Variants in TRPC5 observed in about 807,000 individuals in gnomAD.
TRPC5 encodes transient receptor potential cation channel subfamily C member 5, also known as short transient receptor potential channel 5.
A neutral mutation model predicts 56.5 loss-of-function variants in TRPC5; 9 were observed. The observed-to-expected ratio is 0.16, with a 90% CI of 0.10 to 0.28. The LOEUF is 0.28. Ranked by LOEUF, TRPC5 falls within the 10% of genes least tolerant of loss-of-function variation. The pLI is 1.00. For synonymous variants in TRPC5, 282 were observed against 278.5 expected (o/e 1.01, Z -0.13); for missense variants, 469 against 748.9 (o/e 0.63, Z 4.36).
chrX:111,870,284 A>G (rs1334553930), intron 3 of TRPC5, among the ~76,000 whole-genome samples: 1 of 111,854 alleles, frequency 8.9e-6, no homozygotes, highest in Non-Finnish European at 1.9e-5. Flanking sequence ...TGTCTATGCC[A>G]TATATTAGAT....
chrX:111,849,319 G>C (rs1923017896), intron 5 of TRPC5, among the ~76,000 whole-genome samples: 1 of 112,527 alleles, frequency 8.9e-6, no homozygotes, highest in Non-Finnish European at 1.9e-5. Context: ...GAAAGATATA[G>C]TATGTATGTG....
At chrX:111,990,959 T>C (rs981156290) in intron 1 of TRPC5, among the ~76,000 whole-genome samples, 3 of 112,535 alleles carry the variant, frequency 2.7e-5, no homozygotes, top group Non-Finnish European at 5.6e-5. Flanking sequence ...TTATCTTTGA[T>C]GGGTAGGCAA....
intron 2 of TRPC5, among the ~76,000 whole-genome samples, chrX:111,945,972 G>T (rs1276992833): frequency 8.9e-6 from 1 of 112,493 alleles, no homozygotes; most frequent in African/African-American, 3.2e-5. Context: ...ATCCCTGATG[G>T]CTCCCAAGTA....
chrX:111,906,176 G>A (rs1462405573), intron 3 of TRPC5, among the ~76,000 whole-genome samples: 1 of 108,668 alleles, frequency 9.2e-6, no homozygotes, highest in African/African-American at 3.4e-5. Flanking sequence ...GCAACATGGT[G>A]AAACCCCATC....
Position 111,785,499 on chromosome X carries a change from C to A in TRPC5, c.1897-3361G>T, listed in dbSNP as rs780486143. ...CTGAAGATTCTAAAAATCAGAGCGC[C>A]TCTTCTCCTCCAAAGAATCACATCT... On this transcript the variant is annotated intron_variant, in intron 7 of 10. Transcript: ENST00000262839. 6.3e-4 allele frequency among the ~76,000 whole-genome samples: 68 copies of A among 107,146 alleles called. 1 individual carries two copies. Among genetic ancestry groups the A allele is most frequent in the African/African-American group, 2.5e-3 (66 of 26,344 alleles). The allele number at this position is 107,146 out of a possible 115,157, so 93.0% of individuals were successfully genotyped here.
intron 10 of TRPC5, among the ~76,000 whole-genome samples, chrX:111,777,694 C>G (rs368937389): frequency 1.8e-5 from 2 of 112,146 alleles, no homozygotes; most frequent in African/African-American, 6.5e-5. Context: ...CTGCTGTCCA[C>G]CTGTATGGAC....
At chrX:112,023,824 A>G (rs1435126834) in intron 1 of TRPC5, among the ~76,000 whole-genome samples, 1 of 111,232 alleles carries the variant, frequency 9.0e-6, no homozygotes, top group Non-Finnish European at 1.9e-5. Context: ...ATATCCTCAT[A>G]TATTTGCTAC....
At chrX:111,940,689 T>TA (rs781266805) in intron 2 of TRPC5, among the ~76,000 whole-genome samples, 2,402 of 70,269 alleles carry the variant, frequency 0.034, 41 homozygotes, top group Non-Finnish European at 0.05. Context: ...GGACTACGTC[T>TA]AAAAAAAAAA....
chrX:112,031,988 C>A (rs1187527225), intron 1 of TRPC5, among the ~76,000 whole-genome samples: 2 of 109,974 alleles, frequency 1.8e-5, no homozygotes, highest in East Asian at 5.6e-4. Flanking sequence ...CATTTGCAAA[C>A]TATACATCTG....
intron 1 of TRPC5, among the ~76,000 whole-genome samples, chrX:112,042,098 A>G (rs943042895): frequency 8.9e-6 from 1 of 112,013 alleles, no homozygotes; most frequent in African/African-American, 3.2e-5. Flanking sequence ...GTTAAGGATT[A>G]TAAACTAATT....
At chrX:111,802,599 C>A (rs996098623) in intron 7 of TRPC5, among the ~76,000 whole-genome samples, 8 of 110,935 alleles carry the variant, frequency 7.2e-5, no homozygotes, top group Admixed American at 3.9e-4. Flanking sequence ...AGCTTAGATA[C>A]ACAGTGTTTG....
At chrX:111,815,894 ATG>A (rs1280066158) in intron 7 of TRPC5, among the ~76,000 whole-genome samples, 1 of 111,437 alleles carries the variant, frequency 9.0e-6, no homozygotes, top group Non-Finnish European at 1.9e-5. Flanking sequence ...CCTGGTGATA[ATG>A]TTATTAGGCC....
At chrX:111,806,900 C>A (rs143216196) in intron 7 of TRPC5, among the ~76,000 whole-genome samples, 1,822 of 111,301 alleles carry the variant, frequency 0.016, 15 homozygotes, top group Non-Finnish European at 0.027. Context: ...CTACTCTCTC[C>A]TGGCCTGTAA....
intron 1 of TRPC5, among the ~76,000 whole-genome samples, chrX:112,053,365 T>C (rs1013685702): frequency 8.9e-6 from 1 of 111,908 alleles, no homozygotes; most frequent in African/African-American, 3.3e-5. Flanking sequence ...GTTTCATTTA[T>C]AAAATGGTGA....
At chrX:111,914,380 C>A (rs1694742108) in intron 2 of TRPC5, among the ~76,000 whole-genome samples, 1 of 111,535 alleles carries the variant, frequency 9.0e-6, no homozygotes, top group Non-Finnish European at 1.9e-5. Flanking sequence ...CTCAAAACTC[C>A]TTTAAAAAAT....
intron 1 of TRPC5, among the ~76,000 whole-genome samples, chrX:111,988,542 A>G (rs917380854): frequency 3.6e-5 from 4 of 110,841 alleles, no homozygotes; most frequent in Non-Finnish European, 7.6e-5. Flanking sequence ...GAACGTAAAG[A>G]TTTTAGGCTG....
In TRPC5 at chrX:111,782,067, G is replaced by A. The variant is rs1945924206; in HGVS notation, c.1968C>T (p.Thr656=). 12 of 1,210,673 alleles carry A rather than the reference G, an allele frequency of 9.9e-6. No homozygotes were observed. Among genetic ancestry groups the A allele is most frequent in the Non-Finnish European group, 1.3e-5 (12 of 894,658 alleles). Residue 656 remains threonine (T), a synonymous_variant, in exon 8 of 11, where the codon ACC becomes ACT. Transcript: ENST00000262839. Reference sequence around the variant, plus strand: ...GGATGATGTTGAAAGGAGGTGGCAAGGTGCCACCTTCATCAAAGTAACTCA... The same window carrying A: ...GGATGATGTTGAAAGGAGGTGGCAAAGTGCCACCTTCATCAAAGTAACTCA... ...LWMSYFDEGG[T]LPPPFNIIPS...
At chrX:111,986,849 A>C (rs1167137521) in intron 1 of TRPC5, among the ~76,000 whole-genome samples, 2 of 111,345 alleles carry the variant, frequency 1.8e-5, no homozygotes. Context: ...TCTGGATTTG[A>C]TTTTCAGCAA....
chrX:111,965,661 T>A (rs1927541408), intron 1 of TRPC5, among the ~76,000 whole-genome samples: 1 of 111,875 alleles, frequency 8.9e-6, no homozygotes, highest in Non-Finnish European at 1.9e-5. Context: ...GAACTCAGGA[T>A]TAAGAAACTC....
Sources: allele counts gnomAD v4.1 joint callset (sites outside exome capture counted in the v4.1 genomes callset), GRCh38; gene constraint gnomAD v4.1.1; transcripts MANE v1.5; gene names NCBI Gene and HGNC (gene_info 2026-07-23, HGNC 2026-07-21).